Variants in RYR1 observed in about 807,000 individuals in gnomAD.
The protein encoded by RYR1 is central core disease of muscle.
A neutral mutation model predicts 583.5 loss-of-function variants in RYR1; 342 were observed. That is an observed-to-expected ratio of 0.59 (90% CI 0.54 to 0.64). The LOEUF is 0.64. Among genes scored for constraint, RYR1 ranks in the 30% least tolerant of loss-of-function variants. The pLI is 0.00. For missense variants in RYR1, 6,032 were observed against 6,917.2 expected, an observed-to-expected ratio of 0.87 and a Z score of 4.54; for synonymous variants, 2,791 against 2,822.5, an observed-to-expected ratio of 0.99 and a Z score of 0.35.
intron 9 of RYR1, 22 bp downstream of exon 9, chr19:38,446,790 G>A: frequency 6.2e-7 from 1 of 1,601,010 alleles, no homozygotes; most frequent in South Asian, 1.1e-5. Context: ...AAGATGGGGA[G>A]AGACCAGGGA....
At position 38,494,631 on chromosome 19, in the gene RYR1, A is replaced by G. The variant is rs200428808; in HGVS notation, c.6548+6A>G. The G allele has an allele frequency of 6.8e-6, 11 of 1,613,850 alleles. No homozygotes were observed. The highest frequency in any genetic ancestry group is 9.3e-6 in the Non-Finnish European group (11 of 1,180,004). On this transcript the variant is annotated splice_donor_region_variant and intron_variant, in intron 39 of 105. Coordinates refer to ENST00000359596, the MANE Select transcript of RYR1 (RefSeq NM_000540.3). ...CTCATGATCCAGAGCATCGGGTGAG[A>G]CACCGCCCTTCCCCCTTACTTTGCA...
rs901898836 is a variant in RYR1 at position 38,512,174 on chromosome 19, G to A, written c.9233+42G>A. 6.2e-7 allele frequency: 1 copy of A among 1,613,540 alleles called. No individual in the cohort carries two copies. Among genetic ancestry groups the A allele is most frequent in the South Asian group, 1.1e-5 (1 of 91,090 alleles). ...TGGCGCCCACTCCCACCATCATCGG[G>A]CCCCCACCCCAACCCCTGGTCTCCT... On this transcript the variant is annotated intron_variant, in intron 62 of 105. Coordinates refer to ENST00000359596, the MANE Select transcript of RYR1 (RefSeq NM_000540.3). The surrounding 1 kb of genome is among the most constrained non-coding windows in gnomAD (Gnocchi z 5.1).
rs2145643719 is a variant in RYR1, at chr19:38,507,805, T to C, written c.8910T>C (p.Ser2970=). 1 of 1,613,028 alleles carries C rather than the reference T, an allele frequency of 6.2e-7. No individual in the cohort carries two copies. The highest frequency in any genetic ancestry group is 1.1e-5 in the South Asian group (1 of 91,048). The change falls in exon 58 of 106, where the codon TCT becomes TCC. Residue 2970 remains serine, a synonymous_variant. Transcript: ENST00000359596. ...AGCTGCTGCGCTGGATGGACATTTC[T>C]CAGGAGTTCATTGCCCACCTGGGTA... ...LQQLLRWMDI[S]QEFIAHLEAV... is the part of the protein sequence containing the mutation.
At chr19:38,544,081 A>T (rs764148081) in intron 87 of RYR1, among the ~76,000 whole-genome samples, 2 of 151,556 alleles carry the variant, frequency 1.3e-5, no homozygotes, top group Non-Finnish European at 2.9e-5. Context: ...CTCCCCACCA[A>T]TCAGCTGGTT....
In RYR1 at chr19:38,516,147, C is replaced by G. The variant is rs1223136232; in HGVS notation, c.9615C>G (p.Phe3205Leu). ...ARLAAAMPVA[F>L]LEPQLNEYNA... ...TGGCAGCAGCCATGCCGGTGGCGTT[C>G]CTGGAGCCGCAGCTGAACGAGTACA... The change falls in exon 65 of 106, where the codon TTC becomes TTG. Residue 3205 changes from phenylalanine (F) to leucine (L), a missense_variant. By Grantham distance (22) the Phe-to-Leu change is conservative. Around this residue, in one of 11 missense-constraint regions of RYR1, gnomAD observed 1,493 missense variants for 1,715.5 expected, o/e 0.87. Coordinates refer to ENST00000359596, the MANE Select transcript of RYR1 (RefSeq NM_000540.3). 4 of 1,554,154 alleles carry G rather than the reference C, an allele frequency of 2.6e-6. No homozygotes were observed. The African/African-American group carries it at 5.5e-5, about 21-fold the overall frequency.
Position 38,483,961 on chromosome 19 carries a change from A to G in RYR1, c.4934+445A>G, listed in dbSNP as rs991746552. 2.0e-5 allele frequency among the ~76,000 whole-genome samples: 3 copies of G among 151,796 alleles called. No homozygotes were observed. The highest frequency in any genetic ancestry group is 2.9e-5 in the Non-Finnish European group (2 of 67,900). ...AAGAAGAATCCCGTGGATATTTCAA[A>G]CCCACCCCAGGGGACCCAGACACAC... On this transcript the variant is annotated intron_variant, in intron 33 of 105. Coordinates refer to ENST00000359596, the MANE Select transcript of RYR1 (RefSeq NM_000540.3). This position sits in a 1 kb window ranked among gnomAD's most constrained non-coding sequence, Gnocchi z 6.3.
At chr19:38,473,233 C>T in intron 27 of RYR1, 144 bp from the exon 28 acceptor site, 1 of 1,037,324 alleles carries the variant, frequency 9.6e-7, no homozygotes, top group Non-Finnish European at 1.5e-6. Context: ...AGCTTCATCC[C>T]CCTGCAGGAG....
At chr19:38,493,515 CG>C (rs145987199) in intron 38 of RYR1, among the ~76,000 whole-genome samples, 8,611 of 143,022 alleles carry the variant, frequency 0.06, 825 homozygotes, top group African/African-American at 0.2. Context: ...TTTTCTTTTT[CG>C]TTTTTTTTTT....
rs572484077 is a variant in RYR1 at position 38,525,279 on chromosome 19, G to A, written c.10456-53G>A. The A allele has an allele frequency of 2.6e-5, 42 of 1,611,304 alleles. No homozygotes were observed. The African/African-American group carries it at 4.9e-4, about 19-fold the overall frequency. ...GTGTGGATGATGGCCGCGGGTTGGGGCTGAGGCATGGGATTGGGGCTTGGG... is the reference window on the plus strand; with the variant it reads ...GTGTGGATGATGGCCGCGGGTTGGGACTGAGGCATGGGATTGGGGCTTGGG... On this transcript the variant is annotated intron_variant, in intron 70 of 105. Transcript: ENST00000359596.
rs775762663 is a variant in RYR1 at position 38,460,585 on chromosome 19, T to C, written c.2571T>C (p.Thr857=). 3.7e-6 allele frequency: 6 copies of C among 1,611,238 alleles called. No individual in the cohort carries two copies. The highest frequency in any genetic ancestry group is 5.1e-6 in the Non-Finnish European group (6 of 1,179,904). Residue 857 remains threonine, a synonymous_variant, in exon 20 of 106, where the codon ACT becomes ACC. Coordinates refer to ENST00000359596, the MANE Select transcript of RYR1 (RefSeq NM_000540.3). ...HTDFVPCPVD[T]VQIVLPPHLE... ...ACTTCGTGCCCTGCCCTGTGGACAC[T>C]GTCCAGGTACTGCCTGCCCTGCAAA...
chr19:38,541,323 C>A (rs1316180449), intron 84 of RYR1, among the ~76,000 whole-genome samples: 1 of 152,192 alleles, frequency 6.6e-6, no homozygotes. Context: ...CAGAAAAGAA[C>A]AGAATGCATG....
intron 66 of RYR1, among the ~76,000 whole-genome samples, chr19:38,518,913 G>C (rs1183745009): frequency 6.6e-6 from 1 of 151,334 alleles, no homozygotes; most frequent in Non-Finnish European, 1.5e-5. Flanking sequence ...GGTGACAAGA[G>C]TGAAACTCTG....
intron 23 of RYR1, 95 bp downstream of exon 23, chr19:38,464,817 C>A: frequency 8.8e-7 from 1 of 1,133,660 alleles, no homozygotes; most frequent in Non-Finnish European, 1.3e-6. Flanking sequence ...TGTGGGGAGG[C>A]TGAGGTTAGG....
At chr19:38,538,060 A>G (rs991372508) in intron 84 of RYR1, 100 bp downstream of exon 84, 22 of 1,073,024 alleles carry the variant, frequency 2.1e-5, no homozygotes, top group South Asian at 1.7e-4. Context: ...CCCCCGGTCA[A>G]TGATGGCCAC....
At chr19:38,463,623 G>A in intron 21 of RYR1, 96 bp downstream of exon 21, 1 of 1,454,020 alleles carries the variant, frequency 6.9e-7, no homozygotes, top group Non-Finnish European at 9.7e-7. Flanking sequence ...GGACCACAGG[G>A]CACCAGGGGG....
In RYR1 at chr19:38,587,521, G is replaced by A; in HGVS notation, c.*101G>A. The A allele has an allele frequency of 4.6e-6, 4 of 872,564 alleles. No individual in the cohort carries two copies. The South Asian group carries it at 5.4e-5, about 12-fold the overall frequency. The allele number at this position is 872,564 out of a possible 1,614,324, so 54.1% of individuals were successfully genotyped here. A position where few individuals can be genotyped will look rare whatever the true frequency, so the allele number is the denominator to read the frequency against. On this transcript the variant is annotated 3_prime_UTR_variant, in exon 106 of 106. Transcript: ENST00000359596. ...TCCCCCTAAGGCAGCTGGGGGAGAG[G>A]TGACCTAGTACTGGAAAATAAATCT...
At chr19:38,531,490 A>G (rs1971737787) in intron 76 of RYR1, among the ~76,000 whole-genome samples, 2 of 151,868 alleles carry the variant, frequency 1.3e-5, no homozygotes, top group East Asian at 1.9e-4. Flanking sequence ...TGGCCATTGT[A>G]GAGGAGACCC....
intron 99 of RYR1, among the ~76,000 whole-genome samples, chr19:38,578,921 G>A (rs1056314645): frequency 1.3e-5 from 2 of 151,494 alleles, no homozygotes; most frequent in African/African-American, 4.9e-5. Flanking sequence ...GACCAGCTTG[G>A]GCAACTTTTG....
At chr19:38,449,442 C>T (rs12610496) in intron 11 of RYR1, among the ~76,000 whole-genome samples, 16,794 of 152,220 alleles carry the variant, frequency 0.11, 1,361 homozygotes, top group East Asian at 0.34. Context: ...GCCTGGCTGA[C>T]AAGAGTGAAA....
Sources: gnomAD v4.1 joint callset for allele counts (sites outside exome capture counted in the v4.1 genomes callset) on GRCh38, gnomAD v4.1.1 for gene constraint, gnomAD v4.1.1 regional missense constraint, Gnocchi (gnomAD v3.1) non-coding constraint, MANE v1.5 for transcripts, NCBI Gene and HGNC (gene_info 2026-07-23, HGNC 2026-07-21) for gene names.